CTTNBP2: variants seen among roughly 807,000 people sequenced by gnomAD.
The protein encoded by CTTNBP2 is cortactin-binding protein 2.
Under a neutral mutation model 156.9 loss-of-function variants are expected in CTTNBP2, and 108 were observed. The ratio of observed to expected loss-of-function variants is 0.69; its 90% confidence interval spans 0.59 to 0.81. CTTNBP2 has a LOEUF of 0.81. Ranked by LOEUF, CTTNBP2 falls within the 30% of genes least tolerant of loss-of-function variation. The pLI, the probability that CTTNBP2 is intolerant of heterozygous loss-of-function variation, is 0.00. For synonymous variants in CTTNBP2, 767 were observed against 751.8 expected (o/e 1.02, Z -0.33); for missense variants, 1,924 against 2,035.4 (o/e 0.95, Z 1.05).
intron 2 of CTTNBP2, among the ~76,000 whole-genome samples, chr7:117,852,061 C>G (rs184189766): frequency 6.6e-6 from 1 of 152,116 alleles, no homozygotes; most frequent in South Asian, 2.1e-4. Context: ...AATGACACAT[C>G]CGCATTTTAA....
chr7:117,745,802 T>C, intron 14 of CTTNBP2, 29 bp downstream of exon 14: 1 of 1,461,886 alleles, frequency 6.8e-7, no homozygotes, highest in East Asian at 2.3e-5. Flanking sequence ...CTTTAGGTTA[T>C]CACAGGCAAT....
At chr7:117,868,963 A>G (rs916428882) in intron 1 of CTTNBP2, among the ~76,000 whole-genome samples, 3 of 151,922 alleles carry the variant, frequency 2.0e-5, no homozygotes, top group African/African-American at 7.3e-5. Flanking sequence ...CTGTTTCCAA[A>G]CTTCCCCACA....
At chr7:117,807,160 C>T (rs1218128029) in intron 3 of CTTNBP2, among the ~76,000 whole-genome samples, 1 of 152,128 alleles carries the variant, frequency 6.6e-6, no homozygotes, top group African/African-American at 2.4e-5. Context: ...AATGGCTCTG[C>T]AATGCTCCTG....
intron 15 of CTTNBP2, 55 bp from the exon 16 acceptor site, chr7:117,735,155 G>A: frequency 1.9e-6 from 3 of 1,588,670 alleles, no homozygotes; most frequent in Non-Finnish European, 2.6e-6. Flanking sequence ...TTATGGGACA[G>A]ATTCAAATTA....
chr7:117,815,117 A>G (rs1201127635), intron 2 of CTTNBP2, among the ~76,000 whole-genome samples: 5 of 152,338 alleles, frequency 3.3e-5, no homozygotes, highest in Non-Finnish European at 7.3e-5. Context: ...TGTGTATATT[A>G]CATATATTCA....
Position 117,768,581 on chromosome 7 carries a change from A to AAAAAAAAG in CTTNBP2, c.2779-1406_2779-1405insCTTTTTTT, listed in dbSNP as rs1554419704. On this transcript the variant is annotated intron_variant, in intron 8 of 22. Coordinates refer to ENST00000160373, the MANE Select transcript of CTTNBP2 (RefSeq NM_033427.3). Reference sequence around the variant, plus strand: ...ACTCTGTCTCAAAAAAAAAAAAAAAAAAAGAAAGAAAGAAAGAAAGAAATA... The same window carrying AAAAAAAAG: ...ACTCTGTCTCAAAAAAAAAAAAAAAAAAAAAAAGAAAGAAAGAAAGAAAGAAAGAAATA... Among the ~76,000 whole-genome samples, 603 of 99,092 alleles carry AAAAAAAAG rather than the reference A, an allele frequency of 6.1e-3. 25 individuals carry two copies. Among genetic ancestry groups the AAAAAAAAG allele is most frequent in the African/African-American group, 0.025 (519 of 21,026 alleles). The allele number at this position is 99,092 out of a possible 152,430, so 65.0% of individuals were successfully genotyped here.
chr7:117,770,135 T>C (rs1205411634), intron 8 of CTTNBP2, among the ~76,000 whole-genome samples: 1 of 152,232 alleles, frequency 6.6e-6, no homozygotes, highest in Non-Finnish European at 1.5e-5. Context: ...TGAGGTACTA[T>C]AGCACATAAC....
At chr7:117,841,253 C>A (rs1460188717) in intron 2 of CTTNBP2, among the ~76,000 whole-genome samples, 2 of 152,072 alleles carry the variant, frequency 1.3e-5, no homozygotes, top group Admixed American at 1.3e-4. Context: ...GTCATTGTAG[C>A]CTCTGGAAAG....
intron 2 of CTTNBP2, among the ~76,000 whole-genome samples, chr7:117,815,191 T>C (rs1800506347): frequency 6.6e-6 from 1 of 152,198 alleles, no homozygotes; most frequent in Non-Finnish European, 1.5e-5. Flanking sequence ...TTCTAACAAT[T>C]AAAATGTGCT....
intron 7 of CTTNBP2, among the ~76,000 whole-genome samples, chr7:117,779,350 A>T (rs1798276563): frequency 6.6e-6 from 1 of 152,206 alleles, no homozygotes; most frequent in South Asian, 2.1e-4. Context: ...ATTATAAGGC[A>T]CAAGACATAA....
At chr7:117,775,584 CTT>C (rs35808637) in intron 8 of CTTNBP2, among the ~76,000 whole-genome samples, 31 of 138,370 alleles carry the variant, frequency 2.2e-4, no homozygotes, top group Admixed American at 4.4e-4. Context: ...TTTGTTTTTC[CTT>C]TTTTTTTTTT....
At position 117,873,395 on chromosome 7, in the gene CTTNBP2, G is replaced by A. The variant is rs1018731750; in HGVS notation, c.21C>T (p.Ser7=). The A allele has an allele frequency of 2.7e-6, 4 of 1,491,420 alleles. No homozygotes were observed. In the African/African-American group the frequency reaches 4.3e-5, roughly 16 times the overall value. 92.4% of individuals were successfully genotyped at this position (1,491,420 alleles called of 1,614,324 possible). A position where few individuals can be genotyped will look rare whatever the true frequency, so the allele number is the denominator to read the frequency against. Residue 7 remains serine (S), a synonymous_variant, in exon 1 of 23, where the codon AGC becomes AGT. Coordinates refer to ENST00000160373, the MANE Select transcript of CTTNBP2 (RefSeq NM_033427.3). The part of the protein sequence containing the change: MATDGA[S]CEPDLSRAPE... ...GGGCCCGGGACAAGTCGGGCTCGCA[G>A]CTCGCGCCGTCCGTCGCCATCTTCC...
chr7:117,845,115 G>A (rs1802508814), intron 2 of CTTNBP2, among the ~76,000 whole-genome samples: 1 of 152,048 alleles, frequency 6.6e-6, no homozygotes, highest in Non-Finnish European at 1.5e-5. Flanking sequence ...TGGGCATGAG[G>A]TAGGCAGAGA....
At chr7:117,744,900 C>A (rs1796238756) in intron 14 of CTTNBP2, among the ~76,000 whole-genome samples, 2 of 152,160 alleles carry the variant, frequency 1.3e-5, no homozygotes, top group Non-Finnish European at 2.9e-5. Flanking sequence ...GCCCTGGCCA[C>A]AAGATATAGA....
At chr7:117,809,138 A>G in intron 3 of CTTNBP2, among the ~76,000 whole-genome samples, 1 of 152,022 alleles carries the variant, frequency 6.6e-6, no homozygotes, top group South Asian at 2.1e-4. Context: ...ACTATCAGCC[A>G]GGTTGGAAAT....
chr7:117,801,027 C>T (rs921452086), intron 3 of CTTNBP2, among the ~76,000 whole-genome samples: 3 of 151,978 alleles, frequency 2.0e-5, no homozygotes, highest in East Asian at 1.9e-4. Context: ...GTGGCCAAAT[C>T]GGGGACAGAT....
intron 8 of CTTNBP2, among the ~76,000 whole-genome samples, chr7:117,770,702 G>A (rs1429635473): frequency 6.6e-6 from 1 of 152,198 alleles, no homozygotes; most frequent in African/African-American, 2.4e-5. Flanking sequence ...CTCAGAAAAG[G>A]GGCTGGTGAA....
At chr7:117,812,117 G>A (rs1800331587) in intron 2 of CTTNBP2, among the ~76,000 whole-genome samples, 1 of 152,074 alleles carries the variant, frequency 6.6e-6, no homozygotes, top group African/African-American at 2.4e-5. Flanking sequence ...CTAAATGTCA[G>A]TCCATCAGCG....
At chr7:117,846,837 A>C (rs1412378313) in intron 2 of CTTNBP2, among the ~76,000 whole-genome samples, 1 of 152,046 alleles carries the variant, frequency 6.6e-6, no homozygotes, top group Non-Finnish European at 1.5e-5. Context: ...TTTTTTCCTT[A>C]AGCAAATATT....
Sources: allele counts gnomAD v4.1 joint callset (sites outside exome capture counted in the v4.1 genomes callset), GRCh38; gene constraint gnomAD v4.1.1; transcripts MANE v1.5; gene names NCBI Gene and HGNC (gene_info 2026-07-23, HGNC 2026-07-21).